The following FRMD6 variants were observed in gnomAD, a reference collection of about 807,000 sequenced individuals.
The protein encoded by FRMD6 is FERM domain-containing protein 6.
In FRMD6, 37 loss-of-function variants were observed where a neutral mutation model predicts 73.2. That is an observed-to-expected ratio of 0.51 (90% CI 0.39 to 0.66). The LOEUF (loss-of-function observed/expected upper bound fraction) is 0.66, where lower values mean the gene tolerates loss of function less well. FRMD6 is among the 30% of genes least tolerant of loss of function. The pLI is 0.00. For missense variants in FRMD6, 714 were observed against 780.5 expected, an observed-to-expected ratio of 0.91 and a Z score of 1.02; for synonymous variants, 273 against 282.2, an observed-to-expected ratio of 0.97 and a Z score of 0.33.
At chr14:51,476,044 G>T in the FRMD6 span, among the ~76,000 whole-genome samples, 1 of 152,148 alleles carries the variant, frequency 6.6e-6, no homozygotes, top group Admixed American at 6.5e-5. Flanking sequence ...GGCCAGAAAA[G>T]TAAATGGTTC....
At chr14:51,705,941 C>A (rs1383101815) in intron 6 of FRMD6, among the ~76,000 whole-genome samples, 1 of 152,136 alleles carries the variant, frequency 6.6e-6, no homozygotes, top group African/African-American at 2.4e-5. Flanking sequence ...CAAATTAATG[C>A]TTTTAACGAT....
intron 1 of FRMD6, among the ~76,000 whole-genome samples, chr14:51,561,281 C>T (rs1055873836): frequency 1.3e-5 from 2 of 152,146 alleles, no homozygotes; most frequent in African/African-American, 2.4e-5. Context: ...TGGTCTTTCT[C>T]TTGTGGCCTC....
intron 1 of FRMD6, among the ~76,000 whole-genome samples, chr14:51,556,444 A>T (rs1887137593): frequency 6.6e-6 from 1 of 152,212 alleles, no homozygotes; most frequent in Admixed American, 6.5e-5. Flanking sequence ...AGCCTTAATC[A>T]TCAGAGTCAA....
chr14:51,409,000 A>G, the FRMD6 span, among the ~76,000 whole-genome samples: 1 of 152,216 alleles, frequency 6.6e-6, no homozygotes, highest in African/African-American at 2.4e-5. Flanking sequence ...TACAAAATCT[A>G]TAATAGCTTT....
At chr14:51,709,639 T>C (rs1032465861) in intron 7 of FRMD6, among the ~76,000 whole-genome samples, 3 of 152,156 alleles carry the variant, frequency 2.0e-5, no homozygotes, top group Admixed American at 2.0e-4. Context: ...TTCCATAAGA[T>C]CTGTTTGGCT....
chr14:51,449,096 A>G, the FRMD6 span, among the ~76,000 whole-genome samples: 1 of 152,206 alleles, frequency 6.6e-6, no homozygotes, highest in Non-Finnish European at 1.5e-5. Flanking sequence ...CTGTTGTTAC[A>G]GAGCAGATGT....
intron 1 of FRMD6, among the ~76,000 whole-genome samples, chr14:51,547,360 T>A (rs1244204853): frequency 6.6e-6 from 1 of 152,198 alleles, no homozygotes; most frequent in Non-Finnish European, 1.5e-5. Context: ...CTGTTTCTCT[T>A]GGCTGTAAGT....
chr14:51,413,683 A>C, the FRMD6 span, among the ~76,000 whole-genome samples: 1 of 152,180 alleles, frequency 6.6e-6, no homozygotes, highest in South Asian at 2.1e-4. Context: ...CAGTAATAGG[A>C]TTGCTGGGTC....
At chr14:51,602,224 G>T (rs1284646385) in intron 2 of FRMD6, among the ~76,000 whole-genome samples, 2 of 152,150 alleles carry the variant, frequency 1.3e-5, no homozygotes, top group Admixed American at 6.5e-5. Flanking sequence ...GGAGAGGGTG[G>T]CCAGCTTACT....
At chr14:51,430,614 A>T in the FRMD6 span, among the ~76,000 whole-genome samples, 4 of 151,576 alleles carry the variant, frequency 2.6e-5, no homozygotes, top group African/African-American at 4.9e-5. Context: ...AAAAAAAAAC[A>T]AAAAACAACA....
exon 1 of FRMD6, chr14:51,489,156 G>C (rs1882854186): frequency 1.3e-5 from 2 of 152,168 alleles, no homozygotes; most frequent in Admixed American, 1.3e-4. Context: ...AGGGTGTTGG[G>C]TGAACTAACA....
chr14:51,464,518 T>G, the FRMD6 span, among the ~76,000 whole-genome samples: 1 of 152,166 alleles, frequency 6.6e-6, no homozygotes, highest in South Asian at 2.1e-4. Flanking sequence ...AGGAGAACTC[T>G]CCAGTTATTT....
intron 2 of FRMD6, among the ~76,000 whole-genome samples, chr14:51,694,898 A>G (rs1055292603): frequency 1.3e-5 from 2 of 152,190 alleles, no homozygotes; most frequent in African/African-American, 4.8e-5. Context: ...CACAGCAGGC[A>G]AGACTTCAGA....
chr14:51,513,556 C>T (rs1884441470), intron 1 of FRMD6, among the ~76,000 whole-genome samples: 2 of 152,128 alleles, frequency 1.3e-5, no homozygotes, highest in Admixed American at 6.5e-5. Context: ...AAGGCAAATG[C>T]TCTTATGCTC....
chr14:51,685,737 C>T (rs1895105147), intron 1 of FRMD6, among the ~76,000 whole-genome samples: 1 of 152,080 alleles, frequency 6.6e-6, no homozygotes, highest in Non-Finnish European at 1.5e-5. Flanking sequence ...GAAATCGGGA[C>T]AATATTATCG....
chr14:51,611,640 C>A (rs918916623), intron 2 of FRMD6, among the ~76,000 whole-genome samples: 7 of 152,152 alleles, frequency 4.6e-5, no homozygotes, highest in African/African-American at 1.7e-4. Context: ...TAGGGTAGGG[C>A]CCAAGAATCT....
At chr14:51,463,030 G>A in the FRMD6 span, among the ~76,000 whole-genome samples, 4 of 152,196 alleles carry the variant, frequency 2.6e-5, no homozygotes, top group African/African-American at 9.7e-5. Flanking sequence ...CATTTGCCAT[G>A]TATAGATATT....
At position 51,715,507 on chromosome 14, in the gene FRMD6, A is replaced by C; in HGVS notation, c.1024+8A>C. The C allele has an allele frequency of 6.2e-7, 1 of 1,605,890 alleles. No individual in the cohort carries two copies. The highest frequency in any genetic ancestry group is 8.5e-7 in the Non-Finnish European group (1 of 1,175,120). On this transcript the variant is annotated splice_region_variant and intron_variant, in intron 10 of 13. Coordinates refer to ENST00000344768, the MANE Select transcript of FRMD6 (RefSeq NM_001267046.2). ...AGCTGGAGGAAAACGAAGGTATTGC[A>C]GGGTCTGGGGTGTGGAAGCAAATTG...
intron 7 of FRMD6, among the ~76,000 whole-genome samples, chr14:51,708,666 T>C (rs1184560628): frequency 1.3e-5 from 2 of 152,168 alleles, no homozygotes; most frequent in Admixed American, 6.5e-5. Flanking sequence ...CAACAGGTAA[T>C]GTTTATGGAG....
Sources: allele counts gnomAD v4.1 joint callset (sites outside exome capture counted in the v4.1 genomes callset), GRCh38; gene constraint gnomAD v4.1.1; transcripts MANE v1.5; gene names NCBI Gene and HGNC (gene_info 2026-07-23, HGNC 2026-07-21).